Variants in ZBTB41 observed in about 807,000 individuals in gnomAD.
The protein encoded by ZBTB41 is zinc finger and BTB domain-containing protein 41.
Under a neutral mutation model 87.6 loss-of-function variants are expected in ZBTB41, and 42 were observed. The ratio of observed to expected loss-of-function variants is 0.48; its 90% CI spans 0.37 to 0.62. The LOEUF is 0.62. Among genes scored for constraint, ZBTB41 ranks in the 20% least tolerant of loss-of-function variants. ZBTB41 has a pLI of 0.00. For missense variants in ZBTB41, 799 were observed against 1,078.9 expected (o/e 0.74, Z 3.63); for synonymous variants, 364 against 364.0 (o/e 1.00, Z 0.00).
chr1:197,176,613 T>C lies in ZBTB41; in HGVS notation c.1830A>G (p.Lys610=). The C allele has an allele frequency of 1.2e-6, 2 of 1,612,376 alleles. No homozygotes were observed. The highest frequency in any genetic ancestry group is 1.7e-6 in the Non-Finnish European group (2 of 1,179,170). ...DKRYECDECG[K]TFIRHDHLTK... ...TAAGGTGATCATGACGGATAAATGT[T>C]TTTCCACATTCATCGCACTCATATC... The change falls in exon 8 of 11, where the codon AAA becomes AAG. Residue 610 remains lysine (K), a synonymous_variant. Coordinates refer to ENST00000367405, the MANE Select transcript of ZBTB41 (RefSeq NM_194314.3).
rs1181724001 is a variant in ZBTB41, at chr1:197,155,478, G to C, written c.*3881C>G. 1 of 152,024 alleles carries C rather than the reference G, an allele frequency of 6.6e-6. No homozygotes were observed. The highest frequency in any genetic ancestry group is 1.5e-5 in the Non-Finnish European group (1 of 67,764). 9.4% of individuals were successfully genotyped at this position (152,024 alleles called of 1,614,324 possible). ...AAAGCATTCAATGCAGAAAAGACTG[G>C]GTATAAAAGGACACTGTCAAAGAGC... On this transcript the variant is annotated 3_prime_UTR_variant, in exon 11 of 11. Transcript: ENST00000367405.
At chr1:197,174,030 T>A (rs1027546972) in intron 9 of ZBTB41, among the ~76,000 whole-genome samples, 1 of 152,132 alleles carries the variant, frequency 6.6e-6, no homozygotes, top group East Asian at 1.9e-4. Flanking sequence ...CTCTATACTA[T>A]GAACAAAGTG....
chr1:197,199,266 C>G, intron 2 of ZBTB41, 88 bp downstream of exon 2: 3 of 1,306,498 alleles, frequency 2.3e-6, no homozygotes, highest in Non-Finnish European at 3.0e-6. Flanking sequence ...TTAGAAGTTA[C>G]TTTCCAAGTT....
chr1:197,192,856 CAATAA>C (rs1470835504), intron 2 of ZBTB41, among the ~76,000 whole-genome samples: 2 of 151,512 alleles, frequency 1.3e-5, no homozygotes, highest in African/African-American at 4.9e-5. Flanking sequence ...TGTGTCTACC[CAATAA>C]AATAAAATAA....
At chr1:197,183,795 T>C (rs1038511220) in intron 5 of ZBTB41, among the ~76,000 whole-genome samples, 10 of 152,198 alleles carry the variant, frequency 6.6e-5, no homozygotes, top group African/African-American at 2.4e-4. Flanking sequence ...CTAACATTTC[T>C]GGAACACCTC....
chr1:197,174,983 T>TC, intron 9 of ZBTB41, 27 bp downstream of exon 9: 1 of 1,579,138 alleles, frequency 6.3e-7, no homozygotes, highest in East Asian at 2.3e-5. Flanking sequence ...CAATGTAAAC[T>TC]ATGAGACATT....
chr1:197,187,329 C>G (rs1275887548), intron 5 of ZBTB41, among the ~76,000 whole-genome samples: 1 of 152,158 alleles, frequency 6.6e-6, no homozygotes, highest in African/African-American at 2.4e-5. Flanking sequence ...AATGGATAAA[C>G]TGTGGTATAT....
At chr1:197,186,473 G>A (rs1016103628) in intron 5 of ZBTB41, among the ~76,000 whole-genome samples, 1 of 152,150 alleles carries the variant, frequency 6.6e-6, no homozygotes, top group Non-Finnish European at 1.5e-5. Context: ...AAAAGTCACA[G>A]ATGAAAGGAA....
intron 10 of ZBTB41, among the ~76,000 whole-genome samples, chr1:197,160,796 C>T (rs1659183669): frequency 6.6e-6 from 1 of 152,066 alleles, no homozygotes; most frequent in Non-Finnish European, 1.5e-5. Flanking sequence ...TAAGGTAAGA[C>T]CTTGAAATAG....
intron 10 of ZBTB41, among the ~76,000 whole-genome samples, chr1:197,161,760 A>G (rs1659205292): frequency 6.6e-6 from 1 of 152,124 alleles, no homozygotes; most frequent in Non-Finnish European, 1.5e-5. Flanking sequence ...TGAAAACAAA[A>G]TGTACACTTC....
chr1:197,199,296 T>C, intron 2 of ZBTB41, 58 bp downstream of exon 2: 1 of 1,439,574 alleles, frequency 6.9e-7, no homozygotes, highest in Non-Finnish European at 9.1e-7. Context: ...TTTATCACCT[T>C]TAAAATATCC....
chr1:197,190,860 G>A (rs1238510606), intron 3 of ZBTB41, 29 bp from the exon 4 acceptor site: 2 of 1,433,192 alleles, frequency 1.4e-6, no homozygotes, highest in Non-Finnish European at 1.9e-6. Context: ...AAGATTATTA[G>A]GAAAAGGTTA....
chr1:197,170,252 T>C (rs572433093), intron 10 of ZBTB41, among the ~76,000 whole-genome samples: 1 of 54,830 alleles, frequency 1.8e-5, no homozygotes, highest in South Asian at 1.1e-3. Flanking sequence ...GAACTAAGGG[T>C]ATCCCAACAA....
At chr1:197,174,834 C>G (rs1659563586) in intron 9 of ZBTB41, among the ~76,000 whole-genome samples, 176 bp downstream of exon 9, 2 of 151,890 alleles carry the variant, frequency 1.3e-5, no homozygotes, top group Non-Finnish European at 2.9e-5. Flanking sequence ...TAACTGAAAA[C>G]AAGGAGGAAA....
intron 5 of ZBTB41, among the ~76,000 whole-genome samples, chr1:197,183,479 C>A (rs1480041435): frequency 1.3e-5 from 2 of 152,118 alleles, no homozygotes; most frequent in Admixed American, 1.3e-4. Context: ...TAAACTTTTT[C>A]TTCTAGTAAA....
At chr1:197,191,965 G>C in intron 2 of ZBTB41, 66 bp from the exon 3 acceptor site, 1 of 1,348,678 alleles carries the variant, frequency 7.4e-7, no homozygotes, top group Non-Finnish European at 9.9e-7. Flanking sequence ...GAATTTGAGA[G>C]TGGAATAAAA....
chr1:197,194,621 A>AAC (rs2125140899), intron 2 of ZBTB41, among the ~76,000 whole-genome samples: 1 of 150,528 alleles, frequency 6.6e-6, no homozygotes, highest in African/African-American at 2.4e-5. Context: ...TAAGCAAGAA[A>AAC]AAAAAAAAAA....
chr1:197,197,821 G>A (rs907936389), intron 2 of ZBTB41, among the ~76,000 whole-genome samples: 3 of 152,178 alleles, frequency 2.0e-5, no homozygotes, highest in African/African-American at 4.8e-5. Flanking sequence ...TGTGAATTAC[G>A]TAGTTCCCAA....
intron 10 of ZBTB41, among the ~76,000 whole-genome samples, chr1:197,162,410 GA>G (rs2125122625): frequency 6.6e-6 from 1 of 152,250 alleles, no homozygotes; most frequent in South Asian, 2.1e-4. Flanking sequence ...TTTAATGACA[GA>G]AAGGAGCATT....
Sources: gnomAD v4.1 joint callset for allele counts (sites outside exome capture counted in the v4.1 genomes callset) on GRCh38, gnomAD v4.1.1 for gene constraint, MANE v1.5 for transcripts, NCBI Gene and HGNC (gene_info 2026-07-23, HGNC 2026-07-21) for gene names.